The following SETD5 variants were observed in gnomAD, a reference collection of about 807,000 sequenced individuals.
SETD5 encodes the protein SET domain containing 5, also known as histone-lysine N-methyltransferase SETD5.
A neutral mutation model predicts 153.3 loss-of-function variants in SETD5; 44 were observed. That is an observed-to-expected ratio of 0.29 (90% confidence interval 0.23 to 0.37). The LOEUF (loss-of-function observed/expected upper bound fraction) is 0.37. Ranked by LOEUF, SETD5 falls within the 10% of genes least tolerant of loss-of-function variation. SETD5 has a pLI of 1.00. For missense variants in SETD5, 1,544 were observed against 1,768.0 expected, an observed-to-expected ratio of 0.87 and a Z score of 2.27; for synonymous variants, 716 against 645.2, an observed-to-expected ratio of 1.11 and a Z score of -1.66.
intron 3 of SETD5, chr3:9,433,478 T>C: frequency 7.7e-7 from 1 of 1,290,412 alleles, no homozygotes; most frequent in South Asian, 1.2e-5. Context: ...TTCATGGAAG[T>C]ATTAAGAGAT....
intron 17 of SETD5, among the ~76,000 whole-genome samples, chr3:9,454,738 G>A (rs1360413059): frequency 6.8e-6 from 1 of 147,586 alleles, no homozygotes; most frequent in Non-Finnish European, 1.5e-5. Context: ...CATTGGTTTT[G>A]ACAGTGACTT....
intron 17 of SETD5, among the ~76,000 whole-genome samples, chr3:9,457,903 C>T (rs2043458011): frequency 6.6e-6 from 1 of 150,586 alleles, no homozygotes; most frequent in African/African-American, 2.4e-5. Flanking sequence ...TTAAATGATT[C>T]TGAAGTCTAC....
rs763496394 is a variant in SETD5 at position 9,433,923 on chromosome 3, G to A, written c.150G>A (p.Arg50=). ...CTCATAATTATGGGACCACTCAGAG[G>A]CATGGGTGTCGAGGACTGCCTTATG... ...YSTHNYGTTQ[R]HGCRGLPYAT... The change falls in exon 4 of 23, where the codon AGG becomes AGA. Residue 50 remains arginine, a synonymous_variant. Coordinates refer to ENST00000402198, the MANE Select transcript of SETD5 (RefSeq NM_001080517.3). 6.2e-7 allele frequency: 1 copy of A among 1,613,934 alleles called. No homozygotes were observed. Among genetic ancestry groups the A allele is most frequent in the African/African-American group, 1.3e-5 (1 of 75,036 alleles).
intron 20 of SETD5, among the ~76,000 whole-genome samples, chr3:9,474,041 C>G (rs1037255323): frequency 6.6e-6 from 1 of 152,124 alleles, no homozygotes; most frequent in Non-Finnish European, 1.5e-5. Context: ...GAATGAAGCA[C>G]AGGAGTTCAG....
chr3:9,453,671 A>C, intron 16 of SETD5, 68 bp from the exon 17 acceptor site: 1 of 1,450,074 alleles, frequency 6.9e-7, no homozygotes, highest in Non-Finnish European at 9.3e-7. Context: ...GTTGATGTAC[A>C]TTTAAAACAG....
chr3:9,412,356 A>G (rs1268494298), intron 1 of SETD5, among the ~76,000 whole-genome samples: 2 of 150,828 alleles, frequency 1.3e-5, no homozygotes, highest in Non-Finnish European at 2.9e-5. Flanking sequence ...CACCAAAAAA[A>G]TAAGGAGCAA....
chr3:9,430,213 G>C (rs2039799708), intron 3 of SETD5: 4 of 984,866 alleles, frequency 4.1e-6, no homozygotes, highest in East Asian at 1.1e-4. Flanking sequence ...TTATTAAAGA[G>C]CATGTATATT....
Position 9,442,196 on chromosome 3 carries a change from T to G in SETD5, c.1028T>G (p.Phe343Cys). The change falls in exon 10 of 23, where the codon TTC becomes TGC. Residue 343 changes from phenylalanine to cysteine, a missense_variant. Phe to Cys is a radical substitution (Grantham distance 205). Around this residue, in one of 9 missense-constraint regions of SETD5, gnomAD observed 46 missense variants for 111.8 expected, o/e 0.41. Coordinates refer to ENST00000402198, the MANE Select transcript of SETD5 (RefSeq NM_001080517.3). ...GAGATGTGTGTGGATGCCCGTACTT[T>G]CGGTAATGATGCTCGGTTCATCAGA... ...GVEMCVDARTFGNDARFIRRS... is the reference protein window; with the variant it reads ...GVEMCVDARTCGNDARFIRRS... 6.2e-7 allele frequency: 1 copy of G among 1,610,208 alleles called. No individual in the cohort carries two copies. Among genetic ancestry groups the G allele is most frequent in the Non-Finnish European group, 8.5e-7 (1 of 1,178,488 alleles).
At chr3:9,447,590 A>G in intron 14 of SETD5, 96 bp from the exon 15 acceptor site, 1 of 1,326,552 alleles carries the variant, frequency 7.5e-7, no homozygotes, top group Non-Finnish European at 1.0e-6. Flanking sequence ...TATATTTTTC[A>G]TCAGTAGACA....
At chr3:9,459,192 G>A (rs983782559) in intron 17 of SETD5, among the ~76,000 whole-genome samples, 10 of 152,104 alleles carry the variant, frequency 6.6e-5, no homozygotes, top group Non-Finnish European at 1.5e-4. Context: ...TTGTTCAGCA[G>A]CTTCAGAAGT....
intron 18 of SETD5, among the ~76,000 whole-genome samples, chr3:9,465,391 C>T (rs1443840011): frequency 6.6e-6 from 1 of 152,118 alleles, no homozygotes; most frequent in Non-Finnish European, 1.5e-5. Flanking sequence ...CAATAGAATC[C>T]ATGTATACTT....
intron 2 of SETD5, among the ~76,000 whole-genome samples, chr3:9,426,732 C>T (rs556834233): frequency 2.6e-5 from 4 of 151,964 alleles, no homozygotes; most frequent in East Asian, 3.9e-4. Flanking sequence ...GAGACAGGAT[C>T]TCGCCATGTT....
chr3:9,432,321 C>G (rs951225807), intron 3 of SETD5: 6 of 984,488 alleles, frequency 6.1e-6, no homozygotes, highest in Non-Finnish European at 7.2e-6. Flanking sequence ...GAGCATATAA[C>G]TGGGTGAGTT....
chr3:9,466,024 C>G (rs2044516140), intron 18 of SETD5, among the ~76,000 whole-genome samples: 2 of 152,264 alleles, frequency 1.3e-5, no homozygotes, highest in South Asian at 4.1e-4. Context: ...CGCAGTGGCT[C>G]ACACCTATAA....
At chr3:9,421,786 A>G (rs1426894195) in intron 1 of SETD5, among the ~76,000 whole-genome samples, 2 of 152,046 alleles carry the variant, frequency 1.3e-5, no homozygotes, top group Non-Finnish European at 2.9e-5. Flanking sequence ...TCATTTATTG[A>G]CCTATTAAAG....
chr3:9,423,333 A>G (rs1303595106), intron 1 of SETD5: 1 of 152,208 alleles, frequency 6.6e-6, no homozygotes, highest in Non-Finnish European at 1.5e-5. Context: ...GGCACCTCCT[A>G]AAGAGAGTAC....
In SETD5 at chr3:9,431,388, A is replaced by G. The variant is rs188712051; in HGVS notation, c.71+2379A>G. The G allele has an allele frequency of 4.3e-4, 419 of 984,674 alleles. No homozygotes were observed. In the African/African-American group the frequency reaches 6.5e-3, roughly 15 times the overall value. The allele number at this position is 984,674 out of a possible 1,614,324, so 61.0% of individuals were successfully genotyped here. A position where few individuals can be genotyped will look rare whatever the true frequency, so the allele number is the denominator to read the frequency against. ...TGATAGGAGAAGAAAGCCTGTAATT[A>G]CATTTGCATAAAGTGGTTGGCTGCT... On this transcript the variant is annotated intron_variant, in intron 3 of 22. Coordinates refer to ENST00000402198, the MANE Select transcript of SETD5 (RefSeq NM_001080517.3).
In SETD5 at chr3:9,404,078, C is replaced by T. The variant is rs548169695; in HGVS notation, c.-177+6101C>T. 2.6e-5 allele frequency among the ~76,000 whole-genome samples: 4 copies of T among 152,158 alleles called. No homozygotes were observed. In the East Asian group the frequency reaches 7.7e-4, roughly 29 times the overall value. ...AATTTTTAGAAATAATTGGTTTGAACAGTTTTCCAAGAGCACATTTGTTGC... is the reference window on the plus strand; with the variant it reads ...AATTTTTAGAAATAATTGGTTTGAATAGTTTTCCAAGAGCACATTTGTTGC... On this transcript the variant is annotated intron_variant, in intron 1 of 22. Coordinates refer to ENST00000402198, the MANE Select transcript of SETD5 (RefSeq NM_001080517.3).
chr3:9,423,397 T>G (rs1235790995), intron 1 of SETD5: 1 of 152,246 alleles, frequency 6.6e-6, no homozygotes, highest in Non-Finnish European at 1.5e-5. Flanking sequence ...AAGAACTTAC[T>G]AGTGTTCCTG....
Sources: gnomAD v4.1 joint callset for allele counts (sites outside exome capture counted in the v4.1 genomes callset) on GRCh38, gnomAD v4.1.1 for gene constraint, gnomAD v4.1.1 regional missense constraint, MANE v1.5 for transcripts, NCBI Gene and HGNC (gene_info 2026-07-23, HGNC 2026-07-21) for gene names.